Variants in WWP2 observed in about 807,000 individuals in gnomAD.
The protein encoded by WWP2 is WW domain containing E3 ubiquitin protein ligase 2, also known as NEDD4-like E3 ubiquitin-protein ligase WWP2.
WWP2 carries 57 observed loss-of-function variants against 121.0 expected under a neutral mutation model. The observed-to-expected ratio is 0.47, with a 90% CI of 0.38 to 0.59. The LOEUF is 0.59. WWP2 is among the 20% of genes least tolerant of loss of function. WWP2 has a pLI of 0.00. For synonymous variants in WWP2, 449 were observed against 441.3 expected, an observed-to-expected ratio of 1.02 and a Z score of -0.22; for missense variants, 962 against 1,158.9, an observed-to-expected ratio of 0.83 and a Z score of 2.47.
intron 7 of WWP2, among the ~76,000 whole-genome samples, chr16:69,875,448 T>C (rs1165746202): frequency 6.6e-6 from 1 of 152,228 alleles, no homozygotes; most frequent in Non-Finnish European, 1.5e-5. Context: ...ACAGCATCAG[T>C]TGACTCTCCC....
At chr16:69,841,622 G>A (rs2056979479) in intron 5 of WWP2, among the ~76,000 whole-genome samples, 1 of 152,122 alleles carries the variant, frequency 6.6e-6, no homozygotes, top group Non-Finnish European at 1.5e-5. Context: ...GATCTGATTT[G>A]GCTTTGTAAA....
At chr16:69,873,843 C>T (rs1486255370) in intron 7 of WWP2, among the ~76,000 whole-genome samples, 2 of 152,212 alleles carry the variant, frequency 1.3e-5, no homozygotes, top group Non-Finnish European at 2.9e-5. Flanking sequence ...CCTATAAAAA[C>T]TATTGGTGAA....
At chr16:69,910,403 T>C (rs2058361560) in intron 9 of WWP2, 2 of 977,340 alleles carry the variant, frequency 2.0e-6, no homozygotes, top group Admixed American at 6.2e-5. Flanking sequence ...GCAGGAGCTC[T>C]GTGTACTGTG....
Position 69,935,832 on chromosome 16 carries a change from G to T in WWP2, c.1843-21G>T. The T allele has an allele frequency of 6.2e-7, 1 of 1,605,186 alleles. No homozygotes were observed. The highest frequency in any genetic ancestry group is 1.3e-5 in the African/African-American group (1 of 74,898). The stretch of plus-strand genomic sequence containing the variant: ...TGCCCAGGGAAGGCCAAACCTCTGT[G>T]CTGTGCCTCTTCCTTCCCAGGCGCT... On this transcript the variant is annotated intron_variant, in intron 17 of 23. Coordinates refer to ENST00000359154, the MANE Select transcript of WWP2 (RefSeq NM_001270454.2). This position sits in a 1 kb window ranked among gnomAD's most constrained non-coding sequence, Gnocchi z 5.2.
chr16:69,832,021 G>A (rs571538017), intron 4 of WWP2, among the ~76,000 whole-genome samples: 19 of 152,008 alleles, frequency 1.2e-4, no homozygotes, highest in African/African-American at 4.6e-4. Context: ...TAGAGGCAGG[G>A]TTTCACCATG....
intron 16 of WWP2, chr16:69,933,015 T>C: frequency 4.2e-6 from 2 of 475,634 alleles, no homozygotes; most frequent in Non-Finnish European, 8.8e-6. Flanking sequence ...TGGATGTTCC[T>C]TTTTTCCGTG....
chr16:69,939,933 A>G lies in WWP2; in HGVS notation c.2606A>G (p.Gln869Arg), dbSNP rs762638597. The G allele has an allele frequency of 1.2e-6, 2 of 1,613,458 alleles. No homozygotes were observed. Among genetic ancestry groups the G allele is most frequent in the South Asian group, 2.2e-5 (2 of 90,986 alleles). ...YAIEETEGFG[Q>R]E Reference sequence around the variant, plus strand: ...ATTGAGGAGACCGAGGGCTTTGGACAGGAGTAACCGAGGCCGCCCCTCCCA... The same window carrying G: ...ATTGAGGAGACCGAGGGCTTTGGACGGGAGTAACCGAGGCCGCCCCTCCCA... Residue 869 changes from glutamine (Q) to arginine (R), a missense_variant, in exon 24 of 24, where the codon CAG becomes CGG. Gln to Arg is a conservative substitution (Grantham distance 43, BLOSUM62 1). Transcript: ENST00000359154.
intron 2 of WWP2, among the ~76,000 whole-genome samples, chr16:69,793,714 G>A (rs928898783): frequency 1.3e-5 from 2 of 152,004 alleles, no homozygotes; most frequent in African/African-American, 2.4e-5. Context: ...CTGCAATAGC[G>A]ATGTTATCTA....
intron 8 of WWP2, among the ~76,000 whole-genome samples, chr16:69,907,823 A>G (rs1469303991): frequency 6.6e-6 from 1 of 152,242 alleles, no homozygotes; most frequent in Non-Finnish European, 1.5e-5. Flanking sequence ...TAAAATAACC[A>G]TATGTTGTGT....
chr16:69,829,734 C>T (rs2056761488), intron 4 of WWP2, among the ~76,000 whole-genome samples: 1 of 152,182 alleles, frequency 6.6e-6, no homozygotes, highest in African/African-American at 2.4e-5. Context: ...TGCAACTTTA[C>T]ATTTCCTTGT....
chr16:69,904,801 A>T (rs929827289), intron 8 of WWP2, among the ~76,000 whole-genome samples: 1 of 152,214 alleles, frequency 6.6e-6, no homozygotes, highest in Non-Finnish European at 1.5e-5. Flanking sequence ...CAGGAGTCTC[A>T]TCAGTCAGAG....
rs561418061 is a variant in WWP2, at chr16:69,866,986, C to T, written c.576-4818C>T. On this transcript the variant is annotated intron_variant, in intron 6 of 23. Coordinates refer to ENST00000359154, the MANE Select transcript of WWP2 (RefSeq NM_001270454.2). ...CTGAGTAGCTGGGACTACAGACATG[C>T]GCCACCAGGCCTGGCTAATTTTTGT... 4.1e-4 allele frequency among the ~76,000 whole-genome samples: 62 copies of T among 152,038 alleles called. 1 individual carries two copies. Among genetic ancestry groups the T allele is most frequent in the African/African-American group, 1.4e-3 (59 of 41,494 alleles).
At chr16:69,872,977 T>TC (rs1183729970) in intron 7 of WWP2, among the ~76,000 whole-genome samples, 2 of 152,312 alleles carry the variant, frequency 1.3e-5, no homozygotes, top group African/African-American at 4.8e-5. Flanking sequence ...AGACTGCTGG[T>TC]CGTTTGGTAG....
Position 69,925,749 on chromosome 16 carries a change from G to A in WWP2, c.1234+265G>A, listed in dbSNP as rs1224494892. 6.6e-6 allele frequency among the ~76,000 whole-genome samples: 1 copy of A among 152,202 alleles called. No individual in the cohort carries two copies. Among genetic ancestry groups the A allele is most frequent in the Non-Finnish European group, 1.5e-5 (1 of 68,040 alleles). ...TGACCCTAAGAAAAGATGTCCCTGA[G>A]CAGCTGGGGGGCTATTGGCTTTTGG... On this transcript the variant is annotated intron_variant, in intron 11 of 23. Transcript: ENST00000359154. The surrounding 1 kb of genome is among the most constrained non-coding windows in gnomAD (Gnocchi z 4.0).
chr16:69,832,910 A>G (rs2151861076), intron 4 of WWP2, among the ~76,000 whole-genome samples: 1 of 152,248 alleles, frequency 6.6e-6, no homozygotes, highest in Admixed American at 6.5e-5. Flanking sequence ...GCTGGAGTGC[A>G]GTGATGCAAA....
intron 6 of WWP2, among the ~76,000 whole-genome samples, chr16:69,847,744 A>T (rs1020417608): frequency 6.6e-6 from 1 of 152,008 alleles, no homozygotes; most frequent in African/African-American, 2.4e-5. Context: ...CAGGTTCCCA[A>T]CAGAGAGAAC....
At chr16:69,803,983 A>C (rs1291164112) in intron 4 of WWP2, among the ~76,000 whole-genome samples, 2 of 152,176 alleles carry the variant, frequency 1.3e-5, no homozygotes, top group African/African-American at 4.8e-5. Context: ...GATTTGTTGA[A>C]GGCTACTGAA....
At chr16:69,907,686 G>A (rs970589854) in intron 8 of WWP2, among the ~76,000 whole-genome samples, 4 of 152,210 alleles carry the variant, frequency 2.6e-5, no homozygotes, top group Non-Finnish European at 2.9e-5. Context: ...TGTACTGATC[G>A]GGCTTGTGTA....
At chr16:69,896,593 G>A (rs2058107730) in intron 8 of WWP2, among the ~76,000 whole-genome samples, 1 of 151,840 alleles carries the variant, frequency 6.6e-6, no homozygotes, top group South Asian at 2.1e-4. Flanking sequence ...GTTTTTTTCT[G>A]ATCTTATTAT....
Sources: allele counts gnomAD v4.1 joint callset (sites outside exome capture counted in the v4.1 genomes callset), GRCh38; gene constraint gnomAD v4.1.1; non-coding constraint Gnocchi (gnomAD v3.1); transcripts MANE v1.5; gene names NCBI Gene and HGNC (gene_info 2026-07-23, HGNC 2026-07-21).